CABCOCO1: variants seen among roughly 807,000 people sequenced by gnomAD.
CABCOCO1 encodes the protein ciliary-associated calcium-binding coiled-coil protein 1.
In CABCOCO1, 28 loss-of-function variants were observed where a neutral mutation model predicts 35.7. That is an observed-to-expected ratio of 0.78 (90% CI 0.58 to 1.07). The LOEUF is 1.07. Among genes scored for constraint, CABCOCO1 ranks in the 50% least tolerant of loss-of-function variants. The probability of loss-of-function intolerance (pLI) is 0.00; values close to 1 mark genes in which losing one functional copy is unlikely to be tolerated. For synonymous variants in CABCOCO1, 95 were observed against 100.1 expected (o/e 0.95, Z 0.30); for missense variants, 326 against 309.2 (o/e 1.05, Z -0.41).
At chr10:61,664,283 A>C (rs958914478) in intron 1 of CABCOCO1, among the ~76,000 whole-genome samples, 1 of 152,224 alleles carries the variant, frequency 6.6e-6, no homozygotes, top group Non-Finnish European at 1.5e-5. Flanking sequence ...TGTTATTTAA[A>C]TATATACCAA....
At chr10:61,685,109 A>T (rs1335669695) in intron 3 of CABCOCO1, 1 of 152,156 alleles carries the variant, frequency 6.6e-6, no homozygotes, top group African/African-American at 2.4e-5. Flanking sequence ...CACCAGCACC[A>T]CTGGGCAGAT....
At chr10:61,764,876 A>G (rs1842075915) in intron 7 of CABCOCO1, among the ~76,000 whole-genome samples, 1 of 152,182 alleles carries the variant, frequency 6.6e-6, no homozygotes, top group African/African-American at 2.4e-5. Flanking sequence ...GGTGAAATCA[A>G]ATCTCATCAG....
At chr10:61,714,346 T>C (rs376651103) in intron 5 of CABCOCO1, among the ~76,000 whole-genome samples, 1 of 152,122 alleles carries the variant, frequency 6.6e-6, no homozygotes, top group African/African-American at 2.4e-5. Context: ...TCTGTGGGAT[T>C]GGTGGTGATA....
intron 5 of CABCOCO1, among the ~76,000 whole-genome samples, chr10:61,748,171 A>G (rs951069581): frequency 6.6e-6 from 1 of 151,552 alleles, no homozygotes; most frequent in Non-Finnish European, 1.5e-5. Flanking sequence ...GAAAAAAAAA[A>G]CCCTAAAATT....
At chr10:61,720,293 A>T (rs74156251) in intron 5 of CABCOCO1, among the ~76,000 whole-genome samples, 7,077 of 29,004 alleles carry the variant, frequency 0.24, 346 homozygotes, top group Middle Eastern at 0.5. Flanking sequence ...AAATAAAAAT[A>T]AAAAAAAACA....
chr10:61,689,718 T>G (rs1311030884), intron 4 of CABCOCO1, among the ~76,000 whole-genome samples: 1 of 152,210 alleles, frequency 6.6e-6, no homozygotes, highest in African/African-American at 2.4e-5. Flanking sequence ...TTTTTGTTCT[T>G]GGGCATTTTG....
At chr10:61,693,335 A>G (rs1380020456) in intron 5 of CABCOCO1, among the ~76,000 whole-genome samples, 2 of 152,168 alleles carry the variant, frequency 1.3e-5, no homozygotes, top group Non-Finnish European at 2.9e-5. Flanking sequence ...GGCCTGCCCC[A>G]GCAATATGAT....
At chr10:61,699,938 GT>G (rs929027709) in intron 5 of CABCOCO1, among the ~76,000 whole-genome samples, 14 of 152,074 alleles carry the variant, frequency 9.2e-5, no homozygotes, top group African/African-American at 3.4e-4. Flanking sequence ...ATCAATTAAT[GT>G]AAAGGAGAAA....
intron 7 of CABCOCO1, among the ~76,000 whole-genome samples, chr10:61,764,801 G>A (rs1207602351): frequency 2.0e-5 from 3 of 151,966 alleles, no homozygotes; most frequent in Admixed American, 1.3e-4. Context: ...ATACTTATGT[G>A]AGTTCTGAAC....
At chr10:61,731,701 T>C (rs1473135085) in intron 5 of CABCOCO1, among the ~76,000 whole-genome samples, 3 of 149,934 alleles carry the variant, frequency 2.0e-5, no homozygotes, top group African/African-American at 7.4e-5. Context: ...TTGGCACAAT[T>C]TTCTGACTGG....
At chr10:61,722,409 A>T (rs1283375062) in intron 5 of CABCOCO1, among the ~76,000 whole-genome samples, 8 of 152,184 alleles carry the variant, frequency 5.3e-5, no homozygotes, top group Non-Finnish European at 1.0e-4. Context: ...AAGTAAATCT[A>T]AATGAAAATT....
At chr10:61,753,430 G>A (rs776721037) in intron 5 of CABCOCO1, among the ~76,000 whole-genome samples, 1 of 152,086 alleles carries the variant, frequency 6.6e-6, no homozygotes, top group Non-Finnish European at 1.5e-5. Flanking sequence ...AAGTTGCAAG[G>A]TAAGGTCAAT....
intron 5 of CABCOCO1, among the ~76,000 whole-genome samples, chr10:61,710,796 A>G (rs1200904274): frequency 6.6e-6 from 1 of 151,886 alleles, no homozygotes; most frequent in Non-Finnish European, 1.5e-5. Flanking sequence ...GAATATGAGC[A>G]TGTCAAGGTG....
intron 5 of CABCOCO1, among the ~76,000 whole-genome samples, chr10:61,738,674 T>C (rs1841479503): frequency 6.6e-6 from 1 of 152,230 alleles, no homozygotes; most frequent in African/African-American, 2.4e-5. Flanking sequence ...CTAAATATTA[T>C]TGTAGTCTAC....
At chr10:61,720,465 A>T (rs573226796) in intron 5 of CABCOCO1, among the ~76,000 whole-genome samples, 1 of 152,346 alleles carries the variant, frequency 6.6e-6, no homozygotes, top group Middle Eastern at 3.4e-3. Context: ...CTGAGGAAGT[A>T]TATCTCCCAC....
At chr10:61,727,423 T>C (rs144271601) in intron 5 of CABCOCO1, among the ~76,000 whole-genome samples, 246 of 152,298 alleles carry the variant, frequency 1.6e-3, no homozygotes, top group Middle Eastern at 0.01. Flanking sequence ...AAGAAAGATT[T>C]GAATTGTTTT....
intron 5 of CABCOCO1, among the ~76,000 whole-genome samples, chr10:61,705,161 T>C (rs1335205954): frequency 1.3e-5 from 2 of 152,204 alleles, no homozygotes; most frequent in Non-Finnish European, 1.5e-5. Flanking sequence ...CTGATAACTC[T>C]AAAACCTTAT....
chr10:61,721,311 G>A (rs917541879), intron 5 of CABCOCO1, among the ~76,000 whole-genome samples: 2 of 152,054 alleles, frequency 1.3e-5, no homozygotes, highest in African/African-American at 4.8e-5. Context: ...AATGTGAGCT[G>A]AAATGTCATG....
chr10:61,729,695 C>T (rs868613786), intron 5 of CABCOCO1, among the ~76,000 whole-genome samples: 1 of 152,088 alleles, frequency 6.6e-6, no homozygotes, highest in African/African-American at 2.4e-5. Flanking sequence ...TTCCCAATAG[C>T]CAAGATGTGG....
Sources: allele counts gnomAD v4.1 joint callset (sites outside exome capture counted in the v4.1 genomes callset), GRCh38; gene constraint gnomAD v4.1.1; transcripts MANE v1.5; gene names NCBI Gene and HGNC (gene_info 2026-07-23, HGNC 2026-07-21).